Variants in ZCCHC9 observed in about 807,000 individuals in gnomAD.
The protein encoded by ZCCHC9 is zinc finger CCHC domain-containing protein 9.
Under a neutral mutation model 30.8 loss-of-function variants are expected in ZCCHC9, and 18 were observed. The ratio of observed to expected loss-of-function variants is 0.58; its 90% CI spans 0.40 to 0.87. The LOEUF (loss-of-function observed/expected upper bound fraction) is 0.87, where lower values mean the gene tolerates loss of function less well. ZCCHC9 is among the 40% of genes least tolerant of loss of function. The pLI is 0.00. For synonymous variants in ZCCHC9, 94 were observed against 106.7 expected (o/e 0.88, Z 0.73); for missense variants, 279 against 331.2 (o/e 0.84, Z 1.22).
rs1454196762 is a variant in ZCCHC9 at position 81,308,597 on chromosome 5, G to A, written c.421G>A (p.Ala141Thr). The A allele has an allele frequency of 1.2e-6, 2 of 1,613,212 alleles. No homozygotes were observed. Among genetic ancestry groups the A allele is most frequent in the Non-Finnish European group, 8.5e-7 (1 of 1,179,682 alleles). Residue 141 changes from alanine to threonine, a missense_variant, in exon 3 of 6, where the codon GCA (alanine) becomes ACA (threonine). By Grantham distance (58) the Ala-to-Thr change is moderately conservative (BLOSUM62 0). Coordinates refer to ENST00000407610, the MANE Select transcript of ZCCHC9 (RefSeq NM_001131035.2). ...TTGTAGAAAACCTGGTCATGGAATT[G>A]CAGATTGCCCCGCCGCCCTTGAAAA... is the stretch of plus-strand genomic sequence containing the variant. ...FHCRKPGHGI[A>T]DCPAALENQD...
chr5:81,308,905 A>G lies in ZCCHC9; in HGVS notation c.536-41A>G, dbSNP rs376046723. The G allele has an allele frequency of 5.2e-5, 80 of 1,537,576 alleles. No individual in the cohort carries two copies. In the African/African-American group the frequency reaches 8.5e-4, roughly 16 times the overall value. The stretch of plus-strand genomic sequence containing the variant: ...AATAATGTTAATTTTATGACTTGCC[A>G]TATGTATTGTCAACTGAATAGGAAC... On this transcript the variant is annotated intron_variant, in intron 3 of 5. Coordinates refer to ENST00000407610, the MANE Select transcript of ZCCHC9 (RefSeq NM_001131035.2).
chr5:81,312,500 G>A (rs964933310), intron 5 of ZCCHC9, 44 bp from the exon 6 acceptor site: 9 of 1,488,414 alleles, frequency 6.0e-6, no homozygotes, highest in Middle Eastern at 3.5e-4. Context: ...GGATGCATTT[G>A]ATTACTGTTT....
At position 81,312,752 on chromosome 5, in the gene ZCCHC9, C is replaced by T; in HGVS notation, c.*90C>T. 1.1e-6 allele frequency: 1 copy of T among 916,512 alleles called. No homozygotes were observed. The highest frequency in any genetic ancestry group is 1.7e-6 in the Non-Finnish European group (1 of 572,860). The allele number at this position is 916,512 out of a possible 1,614,324, so 56.8% of individuals were successfully genotyped here. A position where few individuals can be genotyped will look rare whatever the true frequency, so the allele number is the denominator to read the frequency against. The stretch of plus-strand genomic sequence containing the variant: ...AGTTAGAGTTGAGCTCCCCTGTAGC[C>T]AGGACTATGCTGTAGATATCAGTAT... On this transcript the variant is annotated 3_prime_UTR_variant, in exon 6 of 6. Transcript: ENST00000407610.
At position 81,305,260 on chromosome 5, in the gene ZCCHC9, A is replaced by G. The variant is rs571442321; in HGVS notation, c.384+119A>G. The G allele has an allele frequency of 2.8e-5, 39 of 1,378,770 alleles. No homozygotes were observed. In the African/African-American group the frequency reaches 4.7e-4, roughly 17 times the overall value. 85.4% of individuals were successfully genotyped at this position (1,378,770 alleles called of 1,614,324 possible). A position where few individuals can be genotyped will look rare whatever the true frequency, so the allele number is the denominator to read the frequency against. On this transcript the variant is annotated intron_variant, in intron 2 of 5. Transcript: ENST00000407610. Reference sequence around the variant, plus strand: ...CCATTATGTCCCAGATTTATAGAGCATCGTTTTAAGGACTAGTACTTTTTT... The same window carrying G: ...CCATTATGTCCCAGATTTATAGAGCGTCGTTTTAAGGACTAGTACTTTTTT...
intron 1 of ZCCHC9, chr5:81,303,490 A>G (rs1028672168): frequency 2.0e-5 from 3 of 152,364 alleles, no homozygotes; most frequent in African/African-American, 7.2e-5. Context: ...CATTGTGCCT[A>G]CACCGGGTCA....
At chr5:81,310,365 G>A (rs1243559947) in intron 4 of ZCCHC9, among the ~76,000 whole-genome samples, 1 of 151,906 alleles carries the variant, frequency 6.6e-6, no homozygotes, top group Non-Finnish European at 1.5e-5. Flanking sequence ...TACATTTGAT[G>A]TATATAGAAT....
At chr5:81,307,862 G>T (rs190457890) in intron 2 of ZCCHC9, among the ~76,000 whole-genome samples, 1 of 151,040 alleles carries the variant, frequency 6.6e-6, no homozygotes, top group African/African-American at 2.4e-5. Context: ...CCAGGTGGTG[G>T]TACACACCTG....
rs534221627 is a variant in ZCCHC9 at position 81,301,588 on chromosome 5, C to G, written c.-128C>G. ...GCCGGAAGTGACGCGCTCTCGGGCA[C>G]TATGTGCTTCCGGTCTCCAATACCG... is the stretch of plus-strand genomic sequence containing the variant. On this transcript the variant is annotated 5_prime_UTR_variant, in exon 1 of 6. Coordinates refer to ENST00000407610, the MANE Select transcript of ZCCHC9 (RefSeq NM_001131035.2). 1 of 152,408 alleles carries G rather than the reference C, an allele frequency of 6.6e-6. No individual in the cohort carries two copies. The highest frequency in any genetic ancestry group is 6.5e-5 in the Admixed American group (1 of 15,306). 9.4% of individuals were successfully genotyped at this position (152,408 alleles called of 1,614,324 possible). A position where few individuals can be genotyped will look rare whatever the true frequency, so the allele number is the denominator to read the frequency against.
chr5:81,311,392 G>A (rs1021912827), intron 5 of ZCCHC9, 113 bp downstream of exon 5: 7 of 1,076,540 alleles, frequency 6.5e-6, no homozygotes, highest in African/African-American at 1.6e-5. Context: ...AAGACAACCT[G>A]TTTTCCTACT....
chr5:81,308,747 G>A (rs1217851129), intron 3 of ZCCHC9, 36 bp downstream of exon 3: 1 of 1,586,112 alleles, frequency 6.3e-7, no homozygotes, highest in Non-Finnish European at 8.6e-7. Flanking sequence ...TTTGTTCATG[G>A]GGAAAGCCAA....
intron 2 of ZCCHC9, among the ~76,000 whole-genome samples, chr5:81,308,021 A>AT (rs1469434689): frequency 2.6e-4 from 5 of 18,978 alleles, no homozygotes; most frequent in African/African-American, 3.7e-4. Flanking sequence ...AAAAAAAAAA[A>AT]AATCTATCTA....
In ZCCHC9 at chr5:81,311,932, T is replaced by C. The variant is rs529458176; in HGVS notation, c.698-612T>C. Among the ~76,000 whole-genome samples the C allele has an allele frequency of 1.7e-4, 24 of 144,354 alleles. No individual in the cohort carries two copies. In the South Asian group the frequency reaches 1.8e-3, roughly 11 times the overall value. The allele number at this position is 144,354 out of a possible 152,430, so 94.7% of individuals were successfully genotyped here. A position where few individuals can be genotyped will look rare whatever the true frequency, so the allele number is the denominator to read the frequency against. On this transcript the variant is annotated intron_variant, in intron 5 of 5. Coordinates refer to ENST00000407610, the MANE Select transcript of ZCCHC9 (RefSeq NM_001131035.2). ...TAGGATAGCCCAGCAGTGCTTCTTA[T>C]GGAAAGAGCACTTTTTTTTATTTCA...
intron 2 of ZCCHC9, among the ~76,000 whole-genome samples, chr5:81,308,216 A>G (rs112233327): frequency 2.0e-5 from 3 of 152,118 alleles, no homozygotes; most frequent in Non-Finnish European, 2.9e-5. Context: ...TCCATTTCCT[A>G]TAGAAAATGC....
chr5:81,308,671 C>G lies in ZCCHC9; in HGVS notation c.495C>G (p.His165Gln). Reference protein sequence around the residue: ...GICYRCGSTEHEITKCKAKVD... With the variant: ...GICYRCGSTEQEITKCKAKVD... ...GTTACAGGTGTGGGTCCACAGAGCA[C>G]GAAATAACCAAGTGTAAGGCTAAAG... The change falls in exon 3 of 6, where the codon CAC (histidine) becomes CAG (glutamine). Residue 165 changes from histidine to glutamine, a missense_variant. Coordinates refer to ENST00000407610, the MANE Select transcript of ZCCHC9 (RefSeq NM_001131035.2). 6.2e-7 allele frequency: 1 copy of G among 1,613,228 alleles called. No individual in the cohort carries two copies. The highest frequency in any genetic ancestry group is 1.1e-5 in the South Asian group (1 of 90,978).
intron 2 of ZCCHC9, among the ~76,000 whole-genome samples, chr5:81,307,690 C>G (rs968250991): frequency 3.6e-4 from 53 of 149,264 alleles, no homozygotes; most frequent in Non-Finnish European, 7.3e-4. Flanking sequence ...CAAGGATATA[C>G]TTTTTGCTAT....
intron 2 of ZCCHC9, among the ~76,000 whole-genome samples, chr5:81,305,476 G>A (rs1018269644): frequency 6.6e-6 from 1 of 151,984 alleles, no homozygotes; most frequent in African/African-American, 2.4e-5. Context: ...CTACGTTATA[G>A]ACCAGATGTG....
intron 4 of ZCCHC9, among the ~76,000 whole-genome samples, chr5:81,310,477 G>GA (rs888944952): frequency 3.8e-4 from 55 of 145,902 alleles, no homozygotes; most frequent in Non-Finnish European, 7.3e-4. Context: ...AGATTTGGGG[G>GA]AAAAAAAAAA....
At chr5:81,309,233 TCAG>T in intron 4 of ZCCHC9, 195 bp downstream of exon 4, 5 of 450,396 alleles carry the variant, frequency 1.1e-5, no homozygotes, top group Non-Finnish European at 1.9e-5. Context: ...ATAAAACAAA[TCAG>T]AAAAAACTAA....
At chr5:81,308,022 A>AATCTACCTATCT in intron 2 of ZCCHC9, among the ~76,000 whole-genome samples, 1 of 68,360 alleles carries the variant, frequency 1.5e-5, no homozygotes, top group Non-Finnish European at 2.8e-5. Context: ...AAAAAAAAAA[A>AATCTACCTATCT]ATCTATCTAT....
Sources: allele counts gnomAD v4.1 joint callset (sites outside exome capture counted in the v4.1 genomes callset), GRCh38; gene constraint gnomAD v4.1.1; transcripts MANE v1.5; gene names NCBI Gene and HGNC (gene_info 2026-07-23, HGNC 2026-07-21).